The following ST18 variants were observed in gnomAD, a reference collection of about 807,000 sequenced individuals.
ST18 encodes the protein suppression of tumorigenicity 18 protein.
Under a neutral mutation model 110.0 loss-of-function variants are expected in ST18, and 50 were observed. That is an observed-to-expected ratio of 0.45 (90% CI 0.36 to 0.58). ST18 has a LOEUF of 0.58. Among genes scored for constraint, ST18 ranks in the 20% least tolerant of loss-of-function variants. ST18 has a pLI of 0.00. For missense variants in ST18, 1,306 were observed against 1,280.1 expected (o/e 1.02, Z -0.31); for synonymous variants, 461 against 452.4 (o/e 1.02, Z -0.24).
intron 2 of ST18, among the ~76,000 whole-genome samples, chr8:52,271,811 T>C (rs2138915605): frequency 6.6e-6 from 1 of 152,376 alleles, no homozygotes; most frequent in Admixed American, 6.5e-5. Flanking sequence ...CACAGACAAA[T>C]GAACAAATGC....
intron 2 of ST18, among the ~76,000 whole-genome samples, chr8:52,279,091 G>A (rs1379625197): frequency 6.6e-6 from 1 of 152,126 alleles, no homozygotes; most frequent in Non-Finnish European, 1.5e-5. Context: ...AAAGACAGCA[G>A]TGTCGGACCC....
chr8:52,250,980 A>T (rs2094270184), intron 2 of ST18, among the ~76,000 whole-genome samples: 1 of 152,162 alleles, frequency 6.6e-6, no homozygotes, highest in African/African-American at 2.4e-5. Context: ...AAGATACTAA[A>T]AAGTCCTGTA....
chr8:52,136,519 T>C (rs970835127), intron 19 of ST18, 71 bp downstream of exon 19: 4 of 1,456,064 alleles, frequency 2.7e-6, no homozygotes, highest in Non-Finnish European at 3.8e-6. Flanking sequence ...ACTTGGGCAA[T>C]GAATGGGCAC....
intron 8 of ST18, among the ~76,000 whole-genome samples, chr8:52,181,640 A>G (rs535510013): frequency 5.9e-5 from 9 of 152,318 alleles, no homozygotes; most frequent in Non-Finnish European, 1.0e-4. Flanking sequence ...ATGAACCTAA[A>G]TGTAAAGTAA....
intron 21 of ST18, 41 bp downstream of exon 21, chr8:52,133,016 C>G (rs752477054): frequency 3.1e-6 from 5 of 1,607,534 alleles, no homozygotes; most frequent in Non-Finnish European, 4.3e-6. Flanking sequence ...ATTTTACCAA[C>G]AAGAGACAGC....
At chr8:52,253,082 G>A (rs1166035824) in intron 2 of ST18, among the ~76,000 whole-genome samples, 2 of 151,562 alleles carry the variant, frequency 1.3e-5, no homozygotes, top group Admixed American at 1.3e-4. Flanking sequence ...GCTGTGGCAT[G>A]AGAGTTGATA....
intron 2 of ST18, among the ~76,000 whole-genome samples, chr8:52,317,536 A>T (rs2096054210): frequency 6.6e-6 from 1 of 152,204 alleles, no homozygotes; most frequent in African/African-American, 2.4e-5. Flanking sequence ...AGCTTGTGGT[A>T]ATTTGTTAAA....
intron 2 of ST18, among the ~76,000 whole-genome samples, chr8:52,300,701 A>G (rs13261280): frequency 0.024 from 3,710 of 152,314 alleles, 64 homozygotes; most frequent in Middle Eastern, 0.044. Flanking sequence ...ATTCTATAGG[A>G]ACCCAGCCAT....
intron 19 of ST18, 73 bp downstream of exon 19, chr8:52,136,517 A>T (rs1205348576): frequency 6.3e-6 from 9 of 1,435,690 alleles, no homozygotes; most frequent in Non-Finnish European, 8.7e-6. Context: ...TCACTTGGGC[A>T]ATGAATGGGC....
chr8:52,114,368 A>G (rs2041735766), intron 25 of ST18, among the ~76,000 whole-genome samples: 1 of 152,098 alleles, frequency 6.6e-6, no homozygotes, highest in Admixed American at 6.6e-5. Flanking sequence ...CAAATGTGAA[A>G]CGGAATGAAT....
chr8:52,195,053 C>T (rs145729720), intron 8 of ST18, among the ~76,000 whole-genome samples: 1 of 152,184 alleles, frequency 6.6e-6, no homozygotes, highest in Non-Finnish European at 1.5e-5. Context: ...TCCCAAACTC[C>T]TTTTAAGTGC....
At chr8:52,307,117 G>C (rs2095826535) in intron 2 of ST18, among the ~76,000 whole-genome samples, 1 of 151,966 alleles carries the variant, frequency 6.6e-6, no homozygotes, top group Non-Finnish European at 1.5e-5. Flanking sequence ...CCAGAAGTTC[G>C]AGACCAACCT....
At chr8:52,271,350 C>T (rs1350792088) in intron 2 of ST18, among the ~76,000 whole-genome samples, 2 of 152,210 alleles carry the variant, frequency 1.3e-5, no homozygotes, top group Non-Finnish European at 2.9e-5. Flanking sequence ...CTTTTCCATT[C>T]TCTTTCCAAT....
chr8:52,271,553 T>C (rs187534366), intron 2 of ST18, among the ~76,000 whole-genome samples: 1 of 152,324 alleles, frequency 6.6e-6, no homozygotes, highest in East Asian at 1.9e-4. Context: ...CGCACAGAAG[T>C]CATGAGTATG....
At chr8:52,197,748 G>T (rs6989616) in intron 8 of ST18, among the ~76,000 whole-genome samples, 11,341 of 152,010 alleles carry the variant, frequency 0.075, 495 homozygotes, top group African/African-American at 0.12. Context: ...GGAAGGGAAA[G>T]AAGTGTGCAC....
At chr8:52,285,004 G>A (rs1437460741) in intron 2 of ST18, among the ~76,000 whole-genome samples, 1 of 152,134 alleles carries the variant, frequency 6.6e-6, no homozygotes, top group African/African-American at 2.4e-5. Flanking sequence ...CTATAAGGAA[G>A]GACATTCCTA....
intron 2 of ST18, among the ~76,000 whole-genome samples, chr8:52,395,650 T>C (rs914570802): frequency 1.3e-5 from 2 of 152,166 alleles, no homozygotes; most frequent in Non-Finnish European, 2.9e-5. Context: ...AGAAAACTGA[T>C]GTGCTTACTG....
intron 2 of ST18, among the ~76,000 whole-genome samples, chr8:52,233,692 A>G (rs747044317): frequency 2.6e-5 from 4 of 152,142 alleles, no homozygotes; most frequent in Admixed American, 1.3e-4. Context: ...TGCTTATCCA[A>G]TTTAAGTCTA....
At chr8:52,406,827 A>T (rs776684089) in intron 2 of ST18, 19 of 152,190 alleles carry the variant, frequency 1.2e-4, no homozygotes, top group Non-Finnish European at 2.5e-4. Context: ...TTGCCTGGGA[A>T]ACCTTTGAAA....
Sources: gnomAD v4.1 joint callset for allele counts (sites outside exome capture counted in the v4.1 genomes callset) on GRCh38, gnomAD v4.1.1 for gene constraint, MANE v1.5 for transcripts, NCBI Gene and HGNC (gene_info 2026-07-23, HGNC 2026-07-21) for gene names.